Variants in ROBO2 observed in about 807,000 individuals in gnomAD.
ROBO2 encodes roundabout guidance receptor 2.
Under a neutral mutation model 160.8 loss-of-function variants are expected in ROBO2, and 53 were observed. The observed-to-expected ratio is 0.33, with a 90% CI of 0.26 to 0.41. ROBO2 has a LOEUF of 0.41. ROBO2 is among the 10% of genes least tolerant of loss of function. ROBO2 has a pLI of 1.00. For missense variants in ROBO2, 1,577 were observed against 1,722.4 expected, an observed-to-expected ratio of 0.92 and a Z score of 1.49; for synonymous variants, 664 against 611.7, an observed-to-expected ratio of 1.09 and a Z score of -1.26.
At chr3:76,266,204 T>A (rs1316803122) in intron 2 of ROBO2, among the ~76,000 whole-genome samples, 1 of 152,118 alleles carries the variant, frequency 6.6e-6, no homozygotes, top group Non-Finnish European at 1.5e-5. Context: ...CAGCGATAAA[T>A]CCCACTTCAT....
At chr3:76,194,338 T>C (rs2107200498) in intron 2 of ROBO2, among the ~76,000 whole-genome samples, 1 of 118,542 alleles carries the variant, frequency 8.4e-6, no homozygotes, top group African/African-American at 3.1e-5. Flanking sequence ...TCTATATAAA[T>C]ATGTATGGTG....
intron 20 of ROBO2, among the ~76,000 whole-genome samples, chr3:77,607,052 T>G: frequency 6.6e-6 from 1 of 152,230 alleles, no homozygotes; most frequent in East Asian, 1.9e-4. Flanking sequence ...CATGTAATCC[T>G]AGATATGGCT....
intron 2 of ROBO2, among the ~76,000 whole-genome samples, chr3:77,118,207 A>G (rs2074391838): frequency 6.6e-6 from 1 of 152,168 alleles, no homozygotes; most frequent in Non-Finnish European, 1.5e-5. Context: ...GCATTTAATT[A>G]ACCCATCTCT....
At chr3:76,293,101 G>A (rs930096387) in intron 2 of ROBO2, among the ~76,000 whole-genome samples, 15 of 151,720 alleles carry the variant, frequency 9.9e-5, no homozygotes, top group Admixed American at 5.3e-4. Flanking sequence ...ATTATAGTTC[G>A]GTCATCAGAG....
At chr3:76,092,061 T>C (rs1408606830) in intron 2 of ROBO2, among the ~76,000 whole-genome samples, 3 of 152,118 alleles carry the variant, frequency 2.0e-5, no homozygotes, top group Non-Finnish European at 4.4e-5. Context: ...AGTGACAAAC[T>C]ATGGACTTTG....
At chr3:77,340,977 A>C (rs950155098) in intron 2 of ROBO2, among the ~76,000 whole-genome samples, 2 of 152,202 alleles carry the variant, frequency 1.3e-5, no homozygotes, top group Non-Finnish European at 1.5e-5. Flanking sequence ...CTATGAGTTA[A>C]GAATATTCTT....
At chr3:77,134,995 G>A in intron 2 of ROBO2, among the ~76,000 whole-genome samples, 1 of 152,166 alleles carries the variant, frequency 6.6e-6, no homozygotes, top group Non-Finnish European at 1.5e-5. Context: ...AGGACGGCAG[G>A]TAAACGAGCT....
chr3:76,037,660 C>T (rs988069627), intron 2 of ROBO2, among the ~76,000 whole-genome samples: 1 of 151,686 alleles, frequency 6.6e-6, no homozygotes, highest in African/African-American at 2.4e-5. Flanking sequence ...AAAACAACAA[C>T]AAAAAAATAG....
chr3:77,161,360 T>G (rs1284907038), intron 2 of ROBO2, among the ~76,000 whole-genome samples: 2 of 152,256 alleles, frequency 1.3e-5, no homozygotes, highest in African/African-American at 2.4e-5. Flanking sequence ...TTTGACTACG[T>G]ACCACCAGTG....
At chr3:77,528,847 T>C (rs989107180) in intron 6 of ROBO2, among the ~76,000 whole-genome samples, 1 of 151,820 alleles carries the variant, frequency 6.6e-6, no homozygotes, top group African/African-American at 2.4e-5. Flanking sequence ...GTTTGTACAA[T>C]TGATGTTTGA....
chr3:76,442,160 GA>G (rs1490941827), intron 2 of ROBO2, among the ~76,000 whole-genome samples: 5 of 152,182 alleles, frequency 3.3e-5, no homozygotes, highest in African/African-American at 1.2e-4. Flanking sequence ...GTACTTTCAG[GA>G]GGCCTAGAGA....
At chr3:77,215,088 G>A (rs1225656109) in intron 2 of ROBO2, among the ~76,000 whole-genome samples, 2 of 152,102 alleles carry the variant, frequency 1.3e-5, no homozygotes, top group Non-Finnish European at 2.9e-5. Flanking sequence ...GAGTATCTTT[G>A]TGGCGTTCTC....
intron 2 of ROBO2, among the ~76,000 whole-genome samples, chr3:76,969,289 A>G (rs971830899): frequency 1.3e-5 from 2 of 152,196 alleles, no homozygotes; most frequent in African/African-American, 4.8e-5. Context: ...TTAATGACTA[A>G]TTGAAATACC....
chr3:77,112,379 G>A (rs187539653), intron 2 of ROBO2, among the ~76,000 whole-genome samples: 92 of 151,884 alleles, frequency 6.1e-4, no homozygotes, highest in African/African-American at 2.1e-3. Context: ...GAGTAGCTGG[G>A]ATTACAGGCA....
intron 2 of ROBO2, among the ~76,000 whole-genome samples, chr3:76,523,722 C>T (rs529381457): frequency 1.3e-5 from 2 of 152,068 alleles, no homozygotes; most frequent in Non-Finnish European, 2.9e-5. Context: ...GAAGAAGGCT[C>T]CTACTGAATA....
At chr3:77,304,378 A>G (rs2062916129) in intron 2 of ROBO2, among the ~76,000 whole-genome samples, 1 of 152,148 alleles carries the variant, frequency 6.6e-6, no homozygotes, top group South Asian at 2.1e-4. Flanking sequence ...CATAATAGGG[A>G]ACATTAGCAA....
At chr3:76,408,589 A>C (rs1436873814) in intron 2 of ROBO2, among the ~76,000 whole-genome samples, 1 of 152,086 alleles carries the variant, frequency 6.6e-6, no homozygotes, top group Non-Finnish European at 1.5e-5. Context: ...GTCTGGAAAA[A>C]CGTGTTCTTG....
At chr3:77,596,454 T>C (rs2153688452) in intron 18 of ROBO2, among the ~76,000 whole-genome samples, 169 bp from the exon 20 acceptor site, 1 of 152,336 alleles carries the variant, frequency 6.6e-6, no homozygotes, top group East Asian at 1.9e-4. Flanking sequence ...TGTTAATGTA[T>C]GTATAGCCTT....
chr3:76,990,712 T>C (rs1421413491), intron 2 of ROBO2, among the ~76,000 whole-genome samples: 1 of 152,084 alleles, frequency 6.6e-6, no homozygotes, highest in African/African-American at 2.4e-5. Context: ...TCCCCATATA[T>C]AGGAAAAACC....
Sources: allele counts gnomAD v4.1 joint callset (sites outside exome capture counted in the v4.1 genomes callset), GRCh38; gene constraint gnomAD v4.1.1; transcripts MANE v1.5; gene names NCBI Gene and HGNC (gene_info 2026-07-23, HGNC 2026-07-21).